The following ARHGEF10L variants were observed in gnomAD, a reference collection of about 807,000 sequenced individuals.
ARHGEF10L encodes rho guanine nucleotide exchange factor 10-like protein.
ARHGEF10L carries 69 observed loss-of-function variants against 141.2 expected under a neutral mutation model. The observed-to-expected ratio is 0.49, with a 90% CI of 0.40 to 0.60. The LOEUF is 0.60. Ranked by LOEUF, ARHGEF10L falls within the 20% of genes least tolerant of loss-of-function variation. ARHGEF10L has a pLI of 0.00. For synonymous variants in ARHGEF10L, 711 were observed against 718.5 expected (o/e 0.99, Z 0.17); for missense variants, 1,482 against 1,734.3 (o/e 0.85, Z 2.58).
rs1465106044 is a variant in ARHGEF10L at position 17,558,270 on chromosome 1, TATCC to T, written c.-44+18326_-44+18329del. Among the ~76,000 whole-genome samples, 2 of 151,716 alleles carry T rather than the reference TATCC, an allele frequency of 1.3e-5. No individual in the cohort carries two copies. The highest frequency in any genetic ancestry group is 4.8e-5 in the African/African-American group (2 of 41,246). ...CCATCCACCTACTCATTCATTCATC[TATCC>T]ATCCACCCACCCGCCCATTTATTCA... is the stretch of plus-strand genomic sequence containing the variant. On this transcript the variant is annotated intron_variant, in intron 1 of 28. Transcript: ENST00000361221. This position sits in a 1 kb window ranked among gnomAD's most constrained non-coding sequence, Gnocchi z 4.2.
At position 17,627,554 on chromosome 1, in the gene ARHGEF10L, G is replaced by C; in HGVS notation, c.1584+51G>C. On this transcript the variant is annotated intron_variant, in intron 15 of 28. Coordinates refer to ENST00000361221, the MANE Select transcript of ARHGEF10L (RefSeq NM_018125.4). The surrounding 1 kb of genome is among the most constrained non-coding windows in gnomAD (Gnocchi z 4.0). Reference sequence around the variant, plus strand: ...CCCTCACCTGCCTGCCCTCACCTGTGCTCCTGCCCGTGCCCCTGCCCCACG... The same window carrying C: ...CCCTCACCTGCCTGCCCTCACCTGTCCTCCTGCCCGTGCCCCTGCCCCACG... 6.3e-7 allele frequency: 1 copy of C among 1,582,446 alleles called. No homozygotes were observed. The highest frequency in any genetic ancestry group is 8.6e-7 in the Non-Finnish European group (1 of 1,163,500).
chr1:17,604,453 T>C (rs902323268), intron 6 of ARHGEF10L: 1 of 152,220 alleles, frequency 6.6e-6, no homozygotes, highest in Non-Finnish European at 1.5e-5. Context: ...CTTTTCCTAC[T>C]ATGCGATTCT....
chr1:17,681,746 C>T (rs75044419), intron 26 of ARHGEF10L, among the ~76,000 whole-genome samples: 22,211 of 152,162 alleles, frequency 0.15, 1,743 homozygotes, highest in Non-Finnish European at 0.17. Context: ...TCTAAAGGTG[C>T]TGGTTTCCCT....
the ARHGEF10L span, among the ~76,000 whole-genome samples, chr1:17,521,427 C>G: frequency 6.6e-6 from 1 of 152,216 alleles, no homozygotes; most frequent in African/African-American, 2.4e-5. Context: ...AACTCCCGAC[C>G]TCAGTTGATC....
chr1:17,655,708 G>A (rs1256091961), intron 23 of ARHGEF10L, among the ~76,000 whole-genome samples, 171 bp from the exon 24 acceptor site: 3 of 152,210 alleles, frequency 2.0e-5, no homozygotes, highest in African/African-American at 4.8e-5. Context: ...AAGCTTATTT[G>A]TTGCCATGGC....
At chr1:17,689,227 A>G (rs2064864488) in intron 27 of ARHGEF10L, among the ~76,000 whole-genome samples, 1 of 151,990 alleles carries the variant, frequency 6.6e-6, no homozygotes, top group African/African-American at 2.4e-5. Flanking sequence ...GCCAACACAC[A>G]GTATCAGACA....
chr1:17,570,791 C>T (rs965552923), intron 1 of ARHGEF10L, among the ~76,000 whole-genome samples: 4 of 151,778 alleles, frequency 2.6e-5, no homozygotes, highest in Admixed American at 1.3e-4. Context: ...GAGATGCGCT[C>T]GGATTCTGGG....
chr1:17,585,502 C>T (rs2078952203), intron 2 of ARHGEF10L, among the ~76,000 whole-genome samples: 4 of 152,190 alleles, frequency 2.6e-5, no homozygotes, highest in Admixed American at 2.0e-4. Context: ...GCTGACCTGG[C>T]CTGTGGGATC....
intron 22 of ARHGEF10L, among the ~76,000 whole-genome samples, chr1:17,652,804 A>G (rs1254967204): frequency 6.6e-6 from 1 of 151,998 alleles, no homozygotes; most frequent in African/African-American, 2.4e-5. Flanking sequence ...CTGCTCTGAG[A>G]TGCTTTAAAA....
chr1:17,591,317 A>G (rs532485488), intron 4 of ARHGEF10L, among the ~76,000 whole-genome samples: 6 of 151,512 alleles, frequency 4.0e-5, no homozygotes, highest in Admixed American at 3.9e-4. Context: ...ATCATGGCTC[A>G]CTGCATCCTT....
the ARHGEF10L span, among the ~76,000 whole-genome samples, chr1:17,530,404 G>T: frequency 1.3e-5 from 2 of 152,182 alleles, no homozygotes; most frequent in African/African-American, 2.4e-5. Context: ...AATAGGAATT[G>T]CAATATCAAC....
rs145018500 is a variant in ARHGEF10L at position 17,610,147 on chromosome 1, C to T, written c.609+2170C>T. Among the ~76,000 whole-genome samples the T allele has an allele frequency of 4.3e-4, 65 of 152,252 alleles. No homozygotes were observed. The East Asian group carries it at 0.011, about 27-fold the overall frequency. On this transcript the variant is annotated intron_variant, in intron 7 of 28. Coordinates refer to ENST00000361221, the MANE Select transcript of ARHGEF10L (RefSeq NM_018125.4). Reference sequence around the variant, plus strand: ...TCCAGCGGTGGTCCCCATGCTTCCACGGGCATCAGAACCACATGGGTAACT... The same window carrying T: ...TCCAGCGGTGGTCCCCATGCTTCCATGGGCATCAGAACCACATGGGTAACT...
At chr1:17,583,815 T>C (rs1490967990) in intron 2 of ARHGEF10L, among the ~76,000 whole-genome samples, 1 of 151,970 alleles carries the variant, frequency 6.6e-6, no homozygotes, top group Admixed American at 6.6e-5. Context: ...ACCCCCAAAA[T>C]AGTGGGTAGG....
intron 1 of ARHGEF10L, among the ~76,000 whole-genome samples, chr1:17,550,355 G>A (rs78298376): frequency 0.043 from 6,510 of 152,144 alleles, 207 homozygotes; most frequent in Non-Finnish European, 0.065. Context: ...GAAGTCCAAG[G>A]GGGTAGGCCG....
chr1:17,590,636 G>A (rs1156805979), intron 4 of ARHGEF10L, among the ~76,000 whole-genome samples: 4 of 152,152 alleles, frequency 2.6e-5, no homozygotes, highest in African/African-American at 9.7e-5. Context: ...CTTGGTGAAC[G>A]AATGATGGAC....
At chr1:17,661,931 G>C (rs1469396206) in intron 25 of ARHGEF10L, among the ~76,000 whole-genome samples, 1 of 151,450 alleles carries the variant, frequency 6.6e-6, no homozygotes, top group Non-Finnish European at 1.5e-5. Flanking sequence ...GCCAGGCCCA[G>C]AGTCAGACAG....
chr1:17,632,267 G>C (rs895759112), intron 15 of ARHGEF10L, 54 bp from the exon 16 acceptor site: 2 of 1,603,616 alleles, frequency 1.2e-6, no homozygotes, highest in Non-Finnish European at 1.7e-6. Context: ...TCTCCGGCGC[G>C]GTAAAGCCGC....
chr1:17,612,935 C>A, intron 7 of ARHGEF10L, 123 bp from the exon 8 acceptor site: 1 of 676,752 alleles, frequency 1.5e-6, no homozygotes, highest in Non-Finnish European at 2.6e-6. Context: ...CCCGCCTGCC[C>A]GAGCTGTCCG....
At chr1:17,518,211 A>T in the ARHGEF10L span, among the ~76,000 whole-genome samples, 1 of 152,068 alleles carries the variant, frequency 6.6e-6, no homozygotes, top group Non-Finnish European at 1.5e-5. Context: ...AGTTTGCTGG[A>T]CCCCAGTCTG....
Sources: allele counts gnomAD v4.1 joint callset (sites outside exome capture counted in the v4.1 genomes callset), GRCh38; gene constraint gnomAD v4.1.1; non-coding constraint Gnocchi (gnomAD v3.1); transcripts MANE v1.5; gene names NCBI Gene and HGNC (gene_info 2026-07-23, HGNC 2026-07-21).